ZC3H12B: variants seen among roughly 807,000 people sequenced by gnomAD.
The protein encoded by ZC3H12B is zinc finger CCCH-type containing 12B.
In ZC3H12B, 7 loss-of-function variants were observed where a neutral mutation model predicts 43.9. The ratio of observed to expected loss-of-function variants is 0.16; its 90% CI spans 0.09 to 0.30. ZC3H12B has a LOEUF of 0.30. Ranked by LOEUF, ZC3H12B falls within the 10% of genes least tolerant of loss-of-function variation. The probability of loss-of-function intolerance (pLI) is 1.00; values close to 1 mark genes in which losing one functional copy is unlikely to be tolerated. For synonymous variants in ZC3H12B, 222 were observed against 241.7 expected (o/e 0.92, Z 0.76); for missense variants, 475 against 670.2 (o/e 0.71, Z 3.22).
chrX:65,204,728 C>G, the ZC3H12B span, among the ~76,000 whole-genome samples: 1 of 112,015 alleles, frequency 8.9e-6, no homozygotes, highest in Non-Finnish European at 1.9e-5. Context: ...CTAAACTGAA[C>G]ATGCATCATC....
chrX:65,252,200 GT>G, the ZC3H12B span, among the ~76,000 whole-genome samples: 1 of 111,598 alleles, frequency 9.0e-6, no homozygotes, highest in African/African-American at 3.3e-5. Flanking sequence ...TAATCATGTG[GT>G]TTTTGTCTTT....
chrX:65,105,799 T>C, the ZC3H12B span, among the ~76,000 whole-genome samples: 4 of 110,843 alleles, frequency 3.6e-5, no homozygotes, highest in Non-Finnish European at 7.6e-5. Context: ...TAGGGAAGCA[T>C]TTTATGGGAA....
intron 3 of ZC3H12B, among the ~76,000 whole-genome samples, chrX:65,450,228 C>T (rs755728336): frequency 2.0e-5 from 2 of 100,507 alleles, no homozygotes; most frequent in African/African-American, 3.7e-5. Flanking sequence ...TTACTTGAAC[C>T]GGGAGTTGGA....
At chrX:65,083,292 C>A in the ZC3H12B span, among the ~76,000 whole-genome samples, 1 of 111,385 alleles carries the variant, frequency 9.0e-6, no homozygotes, top group Non-Finnish European at 1.9e-5. Context: ...ATATAAAGGG[C>A]ATCTACATTG....
chrX:65,444,161 G>T (rs1316165131), intron 3 of ZC3H12B, among the ~76,000 whole-genome samples: 1 of 112,043 alleles, frequency 8.9e-6, no homozygotes, highest in Non-Finnish European at 1.9e-5. Flanking sequence ...CTGTTTTTGT[G>T]TATTTGTTGT....
the ZC3H12B span, among the ~76,000 whole-genome samples, chrX:65,099,621 A>T: frequency 2.7e-5 from 3 of 111,416 alleles, no homozygotes; most frequent in Non-Finnish European, 5.6e-5. Context: ...CTGCAGCAGA[A>T]CTGCAGAAGA....
intron 3 of ZC3H12B, among the ~76,000 whole-genome samples, chrX:65,437,108 A>G (rs1208021632): frequency 1.8e-5 from 2 of 110,271 alleles, no homozygotes; most frequent in Middle Eastern, 4.2e-3. Flanking sequence ...GTGCACCACC[A>G]CGCCCAGCTA....
the ZC3H12B span, among the ~76,000 whole-genome samples, chrX:65,200,426 CTTTTTTTTTTTTT>C: frequency 1.7e-5 from 1 of 59,596 alleles, no homozygotes; most frequent in East Asian, 4.2e-4. Flanking sequence ...ATAGTTTCCT[CTTTTTTTTTTTTT>C]TTTTTTTTTT....
chrX:65,202,081 A>AC, the ZC3H12B span, among the ~76,000 whole-genome samples: 1 of 93,667 alleles, frequency 1.1e-5, no homozygotes, highest in Non-Finnish European at 2.1e-5. Context: ...TATTACATAT[A>AC]ATATATGTAA....
intron 3 of ZC3H12B, among the ~76,000 whole-genome samples, chrX:65,456,831 G>C (rs2067623288): frequency 1.8e-5 from 2 of 109,362 alleles, no homozygotes; most frequent in Admixed American, 1.9e-4. Flanking sequence ...GCCTCCCAAA[G>C]TGCCGAGATT....
At chrX:65,381,136 T>G (rs1431939638) in intron 2 of ZC3H12B, among the ~76,000 whole-genome samples, 1 of 111,060 alleles carries the variant, frequency 9.0e-6, no homozygotes, top group African/African-American at 3.3e-5. Flanking sequence ...CCACCCCAAA[T>G]CAACAGAATA....
At chrX:65,456,993 C>A (rs1168309498) in intron 3 of ZC3H12B, among the ~76,000 whole-genome samples, 1 of 95,323 alleles carries the variant, frequency 1.0e-5, no homozygotes, top group African/African-American at 3.9e-5. Flanking sequence ...ATCTAGGAAG[C>A]GAGGAGCGCC....
intron 2 of ZC3H12B, among the ~76,000 whole-genome samples, chrX:65,380,214 A>C (rs982968992): frequency 1.8e-5 from 2 of 111,331 alleles, no homozygotes; most frequent in South Asian, 3.8e-4. Context: ...AGAGAAAGGT[A>C]GGGTTATCCT....
intron 3 of ZC3H12B, among the ~76,000 whole-genome samples, chrX:65,452,067 G>A (rs192960952): frequency 2.8e-3 from 308 of 111,885 alleles, no homozygotes; most frequent in African/African-American, 9.1e-3. Context: ...TAAGGAAAAA[G>A]TGAATACTCC....
chrX:65,099,412 G>T, the ZC3H12B span, among the ~76,000 whole-genome samples: 1 of 111,579 alleles, frequency 9.0e-6, no homozygotes, highest in Non-Finnish European at 1.9e-5. Context: ...GTGGGTCCCT[G>T]ACCACCGTAC....
chrX:65,214,148 C>T, the ZC3H12B span, among the ~76,000 whole-genome samples: 1 of 111,154 alleles, frequency 9.0e-6, no homozygotes, highest in African/African-American at 3.3e-5. Flanking sequence ...GTGGGTCCAT[C>T]CTCAGTGTTA....
the ZC3H12B span, among the ~76,000 whole-genome samples, chrX:65,070,067 A>G: frequency 9.2e-6 from 1 of 108,121 alleles, no homozygotes; most frequent in Admixed American, 9.9e-5. Context: ...TCGGCTGTGA[A>G]TCAGGGCTTT....
At chrX:65,054,323 A>T in the ZC3H12B span, among the ~76,000 whole-genome samples, 1 of 110,539 alleles carries the variant, frequency 9.0e-6, no homozygotes, top group African/African-American at 3.4e-5. Flanking sequence ...AGCTTTCTAC[A>T]TATGGCTAGC....
the ZC3H12B span, among the ~76,000 whole-genome samples, chrX:65,155,463 T>A: frequency 4.5e-5 from 5 of 111,676 alleles, no homozygotes; most frequent in Non-Finnish European, 9.4e-5. Context: ...TATTGCTGGA[T>A]TGTTGCATTC....
Sources: allele counts gnomAD v4.1 joint callset (sites outside exome capture counted in the v4.1 genomes callset), GRCh38; gene constraint gnomAD v4.1.1; transcripts MANE v1.5; gene names NCBI Gene and HGNC (gene_info 2026-07-23, HGNC 2026-07-21).